FERMT2: variants seen among roughly 807,000 people sequenced by gnomAD.
The protein encoded by FERMT2 is FERM domain containing kindlin 2, also known as fermitin family homolog 2.
A neutral mutation model predicts 82.7 loss-of-function variants in FERMT2; 15 were observed. The ratio of observed to expected loss-of-function variants is 0.18; its 90% CI spans 0.12 to 0.28. The LOEUF (loss-of-function observed/expected upper bound fraction) is 0.28, where lower values mean the gene tolerates loss of function less well. FERMT2 is among the 10% of genes least tolerant of loss of function. The pLI, the probability that FERMT2 is intolerant of heterozygous loss-of-function variation, is 1.00. For missense variants in FERMT2, 645 were observed against 809.4 expected (o/e 0.80, Z 2.46); for synonymous variants, 274 against 271.5 (o/e 1.01, Z -0.09).
chr14:52,863,837 T>C (rs1311631351), intron 12 of FERMT2, among the ~76,000 whole-genome samples: 1 of 152,172 alleles, frequency 6.6e-6, no homozygotes, highest in Non-Finnish European at 1.5e-5. Context: ...CTTAATTATA[T>C]ATGGAATAAA....
chr14:52,886,301 G>A (rs989772108), intron 4 of FERMT2, among the ~76,000 whole-genome samples: 3 of 152,002 alleles, frequency 2.0e-5, no homozygotes, highest in Non-Finnish European at 4.4e-5. Context: ...GACAGACAGA[G>A]TGTGTGTGAT....
At chr14:52,907,744 A>G (rs1441126261) in intron 3 of FERMT2, among the ~76,000 whole-genome samples, 5 of 152,050 alleles carry the variant, frequency 3.3e-5, no homozygotes, top group African/African-American at 7.2e-5. Context: ...TCACAAGTGG[A>G]GATGAATATA....
chr14:52,880,640 G>GC (rs1886236850), intron 6 of FERMT2, among the ~76,000 whole-genome samples: 1 of 151,986 alleles, frequency 6.6e-6, no homozygotes, highest in South Asian at 2.1e-4. Context: ...CATGTGATCC[G>GC]CCCACCTTGG....
At chr14:52,858,727 TTTATTGCCCTTCC>T (rs1884716899) in intron 14 of FERMT2, 177 bp from the exon 15 acceptor site, 2 of 555,204 alleles carry the variant, frequency 3.6e-6, no homozygotes, top group Non-Finnish European at 6.3e-6. Context: ...AGAAGCTAAG[TTTATTGCCCTTCC>T]CCTACACTTT....
intron 2 of FERMT2, among the ~76,000 whole-genome samples, chr14:52,920,218 G>A (rs1206874974): frequency 6.6e-6 from 1 of 152,214 alleles, no homozygotes; most frequent in Non-Finnish European, 1.5e-5. Context: ...AGGATAGGAA[G>A]TTGGTTTTTA....
At chr14:52,949,660 G>GT (rs1236826179) in intron 2 of FERMT2, among the ~76,000 whole-genome samples, 7 of 152,126 alleles carry the variant, frequency 4.6e-5, no homozygotes, top group Non-Finnish European at 1.0e-4. Flanking sequence ...ACTTCATACT[G>GT]TAAGATACCT....
At chr14:52,880,850 C>T (rs1886250652) in intron 6 of FERMT2, among the ~76,000 whole-genome samples, 186 bp downstream of exon 6, 1 of 152,100 alleles carries the variant, frequency 6.6e-6, no homozygotes, top group Non-Finnish European at 1.5e-5. Context: ...GTTATGCTTC[C>T]AACCTACTAA....
chr14:52,891,921 T>A (rs1471181030), intron 4 of FERMT2, among the ~76,000 whole-genome samples: 1 of 152,156 alleles, frequency 6.6e-6, no homozygotes, highest in Admixed American at 6.5e-5. Context: ...AGTTAGGTTC[T>A]GGTGACAAAA....
chr14:52,864,615 T>G lies in FERMT2; in HGVS notation c.1388A>C (p.Gln463Pro). ...EIWLRCDNEKQYAHWMAACRL... is the reference protein window; with the variant it reads ...EIWLRCDNEKPYAHWMAACRL... ...GCAGGCTGCCATCCAGTGTGCATAC[T>G]GTTTTTCCTGGAGAAAAGAAATACT... Residue 463 changes from glutamine to proline, a missense_variant, in exon 12 of 15, where the codon CAG (glutamine) becomes CCG (proline). Transcript: ENST00000341590. 2 of 1,614,040 alleles carry G rather than the reference T, an allele frequency of 1.2e-6. No individual in the cohort carries two copies. Among genetic ancestry groups the G allele is most frequent in the South Asian group, 1.1e-5 (1 of 91,080 alleles).
intron 3 of FERMT2, among the ~76,000 whole-genome samples, chr14:52,918,821 T>C (rs1300315203): frequency 1.3e-5 from 2 of 152,172 alleles, no homozygotes; most frequent in African/African-American, 2.4e-5. Context: ...GAAGGAAACA[T>C]TGCAAAGCCA....
At chr14:52,864,659 C>A (rs201646952) in intron 11 of FERMT2, 37 bp from the exon 12 acceptor site, 1 of 1,587,608 alleles carries the variant, frequency 6.3e-7, no homozygotes, top group Non-Finnish European at 8.6e-7. Context: ...CAATGTATCA[C>A]GAGGTGGGTC....
chr14:52,928,370 C>T lies in FERMT2; in HGVS notation c.158-9014G>A, dbSNP rs146455857. ...CTTTTGTTTTAGGATCCTCTTGAGCCCCAAATGAGATATAACTATTACCAT... is the reference window on the plus strand; with the variant it reads ...CTTTTGTTTTAGGATCCTCTTGAGCTCCAAATGAGATATAACTATTACCAT... On this transcript the variant is annotated intron_variant, in intron 2 of 14. Transcript: ENST00000341590. 884 of 158,356 alleles carry T rather than the reference C, an allele frequency of 5.6e-3. 4 individuals are homozygous for T. The highest frequency in any genetic ancestry group is 8.7e-3 in the Non-Finnish European group (620 of 71,446). The allele number at this position is 158,356 out of a possible 1,614,324, so 9.8% of individuals were successfully genotyped here. A position where few individuals can be genotyped will look rare whatever the true frequency, so the allele number is the denominator to read the frequency against.
chr14:52,950,801 C>G, intron 1 of FERMT2, 120 bp downstream of exon 1: 2 of 410,918 alleles, frequency 4.9e-6, no homozygotes, highest in Non-Finnish European at 8.6e-6. Flanking sequence ...ACACCGTCCC[C>G]GCCTAGCGGA....
At chr14:52,880,338 A>C (rs1264104835) in intron 6 of FERMT2, among the ~76,000 whole-genome samples, 1 of 152,216 alleles carries the variant, frequency 6.6e-6, no homozygotes, top group Non-Finnish European at 1.5e-5. Context: ...AACCTTTTTG[A>C]AACTTTTATT....
intron 4 of FERMT2, 73 bp from the exon 5 acceptor site, chr14:52,881,542 A>G (rs1886298481): frequency 8.8e-7 from 1 of 1,130,308 alleles, no homozygotes; most frequent in Admixed American, 2.1e-5. Context: ...AACACATATT[A>G]TGATATAAAG....
At chr14:52,867,207 T>C (rs950414952) in intron 10 of FERMT2, among the ~76,000 whole-genome samples, 1 of 152,020 alleles carries the variant, frequency 6.6e-6, no homozygotes, top group Non-Finnish European at 1.5e-5. Context: ...CCCAAAATGT[T>C]GGGATTATAA....
At chr14:52,887,138 C>A (rs912485999) in intron 4 of FERMT2, among the ~76,000 whole-genome samples, 2 of 141,912 alleles carry the variant, frequency 1.4e-5, no homozygotes, top group South Asian at 2.2e-4. Context: ...GATCCCAGCA[C>A]TTTTTTTTTT....
intron 3 of FERMT2, among the ~76,000 whole-genome samples, chr14:52,911,854 C>A (rs1271781975): frequency 6.6e-6 from 1 of 151,914 alleles, no homozygotes; most frequent in Non-Finnish European, 1.5e-5. Flanking sequence ...TTATTTAAGA[C>A]CAATTAGCTG....
intron 3 of FERMT2, among the ~76,000 whole-genome samples, chr14:52,896,768 C>CTGCTTGA (rs113610970): frequency 0.018 from 2,683 of 152,174 alleles, 72 homozygotes; most frequent in African/African-American, 0.06. Context: ...AGTGGGAGAA[C>CTGCTTGA]TGCTTGAGCT....
Sources: allele counts gnomAD v4.1 joint callset (sites outside exome capture counted in the v4.1 genomes callset), GRCh38; gene constraint gnomAD v4.1.1; transcripts MANE v1.5; gene names NCBI Gene and HGNC (gene_info 2026-07-23, HGNC 2026-07-21).